Variants in TAFAZZIN observed in about 807,000 individuals in gnomAD.
TAFAZZIN encodes tafazzin, phospholipid-lysophospholipid transacylase.
TAFAZZIN carries 6 observed loss-of-function variants against 27.3 expected under a neutral mutation model. The observed-to-expected ratio is 0.22, with a 90% CI of 0.12 to 0.43. The LOEUF (loss-of-function observed/expected upper bound fraction) is 0.43. TAFAZZIN is among the 20% of genes least tolerant of loss of function. The pLI is 1.00. For synonymous variants in TAFAZZIN, 79 were observed against 96.2 expected, an observed-to-expected ratio of 0.82 and a Z score of 1.04; for missense variants, 127 against 244.5, an observed-to-expected ratio of 0.52 and a Z score of 3.21.
rs1557194673 is a variant in TAFAZZIN at position 154,421,148 on chromosome X, A to C, written c.*144A>C. ...CCCTCTCCGAGCTGGTAGGCATTCCAGCTCCTCCGTGCTTCCTCAGTTACA... is the reference window on the plus strand; with the variant it reads ...CCCTCTCCGAGCTGGTAGGCATTCCCGCTCCTCCGTGCTTCCTCAGTTACA... On this transcript the variant is annotated 3_prime_UTR_variant, in exon 11 of 11. Coordinates refer to ENST00000601016, the MANE Select transcript of TAFAZZIN (RefSeq NM_000116.5). 1 of 556,745 alleles carries C rather than the reference A, an allele frequency of 1.8e-6. No homozygotes were observed. Among genetic ancestry groups the C allele is most frequent in the East Asian group, 3.6e-5 (1 of 27,857 alleles). The allele number at this position is 556,745 out of a possible 1,213,427, so 45.9% of individuals were successfully genotyped here.
intron 5 of TAFAZZIN, chrX:154,419,337 T>C: frequency 8.8e-6 from 4 of 453,717 alleles, no homozygotes; most frequent in Non-Finnish European, 1.5e-5. Context: ...GGAGGGCGTC[T>C]GTGGATGGCG....
rs1025298161 is a variant in TAFAZZIN at position 154,411,563 on chromosome X, G to C, written c.-281G>C. ...CGCTTTCCGGCGGTTGCACCGGGCCGGGGTGCCAGCGCCCGCCTTCCCGTT... is the reference window on the plus strand; with the variant it reads ...CGCTTTCCGGCGGTTGCACCGGGCCCGGGTGCCAGCGCCCGCCTTCCCGTT... On this transcript the variant is annotated 5_prime_UTR_variant, in exon 1 of 11. Coordinates refer to ENST00000601016, the MANE Select transcript of TAFAZZIN (RefSeq NM_000116.5). 5 of 387,591 alleles carry C rather than the reference G, an allele frequency of 1.3e-5. No individual in the cohort carries two copies. The highest frequency in any genetic ancestry group is 5.3e-5 in the African/African-American group (2 of 37,635). 31.9% of individuals were successfully genotyped at this position (387,591 alleles called of 1,213,427 possible). A position where few individuals can be genotyped will look rare whatever the true frequency, so the allele number is the denominator to read the frequency against.
intron 5 of TAFAZZIN, chrX:154,419,099 G>A (rs1364903919): frequency 1.5e-4 from 26 of 170,630 alleles, no homozygotes; most frequent in Non-Finnish European, 2.1e-4. Flanking sequence ...GGCAGGTGGT[G>A]CGCTGACCTG....
chrX:154,414,988 T>TG (rs200088502), intron 5 of TAFAZZIN, among the ~76,000 whole-genome samples: 2 of 87,901 alleles, frequency 2.3e-5, no homozygotes, highest in Admixed American at 1.3e-4. Flanking sequence ...AAACTCCGTC[T>TG]GGAAAAAAAA....
rs781792950 is a variant in TAFAZZIN, at chrX:154,420,926, G to A, written c.801G>A (p.Thr267=). 4.3e-5 allele frequency: 52 copies of A among 1,209,300 alleles called. No homozygotes were observed. The highest frequency in any genetic ancestry group is 3.5e-4 in the Admixed American group (16 of 45,720). ...KSAVEMRKAL[T]DFIQEEFQHL... The stretch of plus-strand genomic sequence containing the variant: ...AGGTGGAGATGCGGAAAGCCCTGAC[G>A]GACTTCATTCAAGAGGAATTCCAGC... Residue 267 remains threonine, a synonymous_variant, in exon 11 of 11, where the codon ACG becomes ACA. Coordinates refer to ENST00000601016, the MANE Select transcript of TAFAZZIN (RefSeq NM_000116.5).
rs781898098 is a variant in TAFAZZIN at position 154,421,082 on chromosome X, C to T, written c.*78C>T. On this transcript the variant is annotated 3_prime_UTR_variant, in exon 11 of 11. Coordinates refer to ENST00000601016, the MANE Select transcript of TAFAZZIN (RefSeq NM_000116.5). Reference sequence around the variant, plus strand: ...GATGGACTGATGCTTTTAGCTCAAACGTGGCTTTTAGACAGATTTGTTCAT... The same window carrying T: ...GATGGACTGATGCTTTTAGCTCAAATGTGGCTTTTAGACAGATTTGTTCAT... The T allele has an allele frequency of 3.3e-5, 33 of 994,921 alleles. No individual in the cohort carries two copies. In the Middle Eastern group the frequency reaches 1.3e-3, roughly 38 times the overall value. The allele number at this position is 994,921 out of a possible 1,213,427, so 82.0% of individuals were successfully genotyped here.
At chrX:154,417,469 G>T (rs1022350949) in intron 5 of TAFAZZIN, among the ~76,000 whole-genome samples, 1 of 112,838 alleles carries the variant, frequency 8.9e-6, no homozygotes, top group African/African-American at 3.2e-5. Flanking sequence ...AGACCGCAGG[G>T]GCGGCAACTC....
intron 2 of TAFAZZIN, chrX:154,412,982 G>A: frequency 6.4e-6 from 3 of 466,788 alleles, no homozygotes; most frequent in East Asian, 3.7e-5. Flanking sequence ...CAAGTATGTT[G>A]GGGAGGTAGG....
chrX:154,418,829 C>G (rs1557193557), intron 5 of TAFAZZIN: 2 of 112,832 alleles, frequency 1.8e-5, no homozygotes, highest in South Asian at 3.7e-4. Context: ...AAGGGGTCAG[C>G]AGGGGGGAGG....
chrX:154,421,516 G>A lies in TAFAZZIN; in HGVS notation c.*512G>A, dbSNP rs782752991. 23 of 329,756 alleles carry A rather than the reference G, an allele frequency of 7.0e-5. No homozygotes were observed. Among genetic ancestry groups the A allele is most frequent in the Non-Finnish European group, 1.0e-4 (17 of 170,304 alleles). 27.2% of individuals were successfully genotyped at this position (329,756 alleles called of 1,213,427 possible). A position where few individuals can be genotyped will look rare whatever the true frequency, so the allele number is the denominator to read the frequency against. Reference sequence around the variant, plus strand: ...TCAGGCAAGGTCTGGCCTCAGGTGGGCCGCAGGCGGGAAAAGCAGCCCTTG... The same window carrying A: ...TCAGGCAAGGTCTGGCCTCAGGTGGACCGCAGGCGGGAAAAGCAGCCCTTG... On this transcript the variant is annotated 3_prime_UTR_variant, in exon 11 of 11. Coordinates refer to ENST00000601016, the MANE Select transcript of TAFAZZIN (RefSeq NM_000116.5).
chrX:154,415,782 G>A (rs983320056), intron 5 of TAFAZZIN, among the ~76,000 whole-genome samples: 1 of 107,558 alleles, frequency 9.3e-6, no homozygotes, highest in Non-Finnish European at 1.9e-5. Context: ...TCGGGAGGCT[G>A]GGGTGGGAGA....
Position 154,421,400 on chromosome X carries a change from C to A in TAFAZZIN, c.*396C>A, listed in dbSNP as rs144283894. On this transcript the variant is annotated 3_prime_UTR_variant, in exon 11 of 11. Coordinates refer to ENST00000601016, the MANE Select transcript of TAFAZZIN (RefSeq NM_000116.5). ...CCTGGCTCCTACCCACCGCCCTTGC[C>A]GAACCAGGAGCTGCTCACTACCTCC... 2 of 347,553 alleles carry A rather than the reference C, an allele frequency of 5.8e-6. No individual in the cohort carries two copies. The highest frequency in any genetic ancestry group is 6.1e-5 in the Admixed American group (2 of 32,746). 28.6% of individuals were successfully genotyped at this position (347,553 alleles called of 1,213,427 possible). A position where few individuals can be genotyped will look rare whatever the true frequency, so the allele number is the denominator to read the frequency against.
Position 154,420,660 on chromosome X carries a change from A to G in TAFAZZIN, c.702A>G (p.Lys234=), listed in dbSNP as rs1557194341. The change falls in exon 10 of 11, where the codon AAA becomes AAG. Residue 234 remains lysine (K), a splice_region_variant and synonymous_variant. Coordinates refer to ENST00000601016, the MANE Select transcript of TAFAZZIN (RefSeq NM_000116.5). ...SPPYFPRFGQ[K]ITVLIGKPFS... Reference sequence around the variant, plus strand: ...CACTCTTGGCGGCCACCCCACAGAAAATCACTGTGCTGATCGGGAAGCCCT... The same window carrying G: ...CACTCTTGGCGGCCACCCCACAGAAGATCACTGTGCTGATCGGGAAGCCCT... The G allele has an allele frequency of 1.7e-6, 2 of 1,210,857 alleles. No individual in the cohort carries two copies. The highest frequency in any genetic ancestry group is 4.4e-5 in the Admixed American group (2 of 45,936).
intron 2 of TAFAZZIN, chrX:154,412,684 G>A (rs2068350087): frequency 5.4e-6 from 1 of 184,659 alleles, no homozygotes; most frequent in Non-Finnish European, 1.0e-5. Flanking sequence ...CTGCTCTGCT[G>A]ACTTCACAGG....
chrX:154,412,934 G>A lies in TAFAZZIN; in HGVS notation c.239-273G>A, dbSNP rs2068359261. The A allele has an allele frequency of 9.6e-6, 4 of 414,770 alleles. No individual in the cohort carries two copies. In the African/African-American group the frequency reaches 1.0e-4, roughly 10 times the overall value. 34.2% of individuals were successfully genotyped at this position (414,770 alleles called of 1,213,427 possible). On this transcript the variant is annotated intron_variant, in intron 2 of 10. Transcript: ENST00000601016. ...TAGCCTAGACTGGGCTGGTTGCAGTGACAGTACAGGGAGAAGTATAGAAGA... is the reference window on the plus strand; with the variant it reads ...TAGCCTAGACTGGGCTGGTTGCAGTAACAGTACAGGGAGAAGTATAGAAGA...
At chrX:154,413,987 T>A in intron 4 of TAFAZZIN, 114 bp from the exon 5 acceptor site, 1 of 554,217 alleles carries the variant, frequency 1.8e-6, no homozygotes, top group Admixed American at 2.6e-5. Flanking sequence ...GGGGCCATTT[T>A]GATCCCTATT....
intron 5 of TAFAZZIN, 30 bp from the exon 6 acceptor site, chrX:154,419,513 T>C (rs1340366211): frequency 8.3e-7 from 1 of 1,203,125 alleles, no homozygotes; most frequent in Non-Finnish European, 1.1e-6. Flanking sequence ...CGAGAATGGT[T>C]ACTGATAGGG....
chrX:154,413,042 G>T (rs1304795178), intron 2 of TAFAZZIN, 165 bp from the exon 3 acceptor site: 10 of 625,856 alleles, frequency 1.6e-5, no homozygotes, highest in Admixed American at 2.7e-5. Flanking sequence ...GGAGAGGGAG[G>T]AGCCAGGGAG....
intron 9 of TAFAZZIN, 151 bp downstream of exon 9, chrX:154,420,415 C>T (rs1227538131): frequency 6.3e-6 from 5 of 799,489 alleles, no homozygotes; most frequent in Non-Finnish European, 7.5e-6. Context: ...CTTCCTGGCA[C>T]CGAGACATTA....
Sources: gnomAD v4.1 joint callset for allele counts (sites outside exome capture counted in the v4.1 genomes callset) on GRCh38, gnomAD v4.1.1 for gene constraint, MANE v1.5 for transcripts, NCBI Gene and HGNC (gene_info 2026-07-23, HGNC 2026-07-21) for gene names.